The following HEATR4 variants were observed in gnomAD, a reference collection of about 807,000 sequenced individuals.
HEATR4 encodes the protein HEAT repeat containing 4, also known as HEAT repeat-containing protein 4.
Under a neutral mutation model 108.8 loss-of-function variants are expected in HEATR4, and 95 were observed. The observed-to-expected ratio is 0.87, with a 90% confidence interval of 0.74 to 1.04. The LOEUF is 1.04. Ranked by LOEUF, HEATR4 falls within the 50% of genes least tolerant of loss-of-function variation. The probability of loss-of-function intolerance (pLI) is 0.00; values close to 1 mark genes in which losing one functional copy is unlikely to be tolerated. For missense variants in HEATR4, 1,152 were observed against 1,253.8 expected (o/e 0.92, Z 1.23); for synonymous variants, 443 against 459.4 (o/e 0.96, Z 0.46).
At chr14:73,617,212 T>C in the HEATR4 span, 9 of 1,614,048 alleles carry the variant, frequency 5.6e-6, no homozygotes, top group African/African-American at 1.2e-4. Flanking sequence ...GGTGATCACC[T>C]GAGTGCAGAA....
At chr14:73,605,334 G>A in the HEATR4 span, among the ~76,000 whole-genome samples, 5 of 152,190 alleles carry the variant, frequency 3.3e-5, no homozygotes, top group South Asian at 2.1e-4. Flanking sequence ...TAACTTAACC[G>A]ACTCCACCTT....
In HEATR4 at chr14:73,550,249, G is replaced by T. The variant is rs1247985623; in HGVS notation, c.-152+8502C>A. Among the ~76,000 whole-genome samples, 2 of 113,436 alleles carry T rather than the reference G, an allele frequency of 1.8e-5. 1 individual carries two copies. The allele number at this position is 113,436 out of a possible 152,430, so 74.4% of individuals were successfully genotyped here. A position where few individuals can be genotyped will look rare whatever the true frequency, so the allele number is the denominator to read the frequency against. On this transcript the variant is annotated intron_variant, in intron 1 of 17. Coordinates refer to ENST00000553558, the MANE Select transcript of HEATR4 (RefSeq NM_001220484.1). ...AGGATAGGTAGCTAAGGGAGTGACC[G>T]TGTTCTCGGGATGCAGCGACCATGG... is the stretch of plus-strand genomic sequence containing the variant.
At chr14:73,605,064 A>C in the HEATR4 span, among the ~76,000 whole-genome samples, 1 of 152,106 alleles carries the variant, frequency 6.6e-6, no homozygotes, top group Non-Finnish European at 1.5e-5. Context: ...GAGTGGCAAG[A>C]CAAAACGGAG....
intron 2 of HEATR4, among the ~76,000 whole-genome samples, chr14:73,525,018 G>GT (rs928979401): frequency 2.6e-5 from 4 of 151,612 alleles, no homozygotes; most frequent in South Asian, 2.1e-4. Context: ...TTTTTTGTGT[G>GT]TTTTTTTTCT....
At chr14:73,578,194 G>A in the HEATR4 span, among the ~76,000 whole-genome samples, 1 of 151,498 alleles carries the variant, frequency 6.6e-6, no homozygotes, top group Non-Finnish European at 1.5e-5. Context: ...AAGCATCACA[G>A]GGGTTCAGAT....
the HEATR4 span, among the ~76,000 whole-genome samples, chr14:73,585,011 A>G: frequency 2.7e-5 from 4 of 149,296 alleles, no homozygotes; most frequent in African/African-American, 9.9e-5. Context: ...CAGACCCCCA[A>G]CACCTCATGC....
the HEATR4 span, among the ~76,000 whole-genome samples, chr14:73,618,885 C>G: frequency 3.9e-5 from 6 of 152,166 alleles, no homozygotes; most frequent in Non-Finnish European, 8.8e-5. Context: ...AATCCCAGCA[C>G]TTTGGGAGGC....
chr14:73,522,307 C>A lies in HEATR4; in HGVS notation c.846G>T (p.Lys282Asn). 2 of 1,614,004 alleles carry A rather than the reference C, an allele frequency of 1.2e-6. No homozygotes were observed. The highest frequency in any genetic ancestry group is 1.7e-6 in the Non-Finnish European group (2 of 1,180,032). The change falls in exon 3 of 18, where the codon AAG becomes AAT. Residue 282 changes from lysine to asparagine, a missense_variant. Transcript: ENST00000553558. ...DQSVILPPQE[K>N]KKPELLLPVY... ...CGGGAAGCAGCAGTTCTGGCTTCTT[C>A]TTTTCCTGTGGGGGCAGGATGACAC...
chr14:73,506,814 T>TTTTTG (rs1566830039), intron 9 of HEATR4, among the ~76,000 whole-genome samples: 1 of 132,388 alleles, frequency 7.6e-6, no homozygotes, highest in African/African-American at 3.3e-5. Flanking sequence ...GTTTTTTTTT[T>TTTTTG]TTTTTTTTTT....
intron 13 of HEATR4, 51 bp downstream of exon 13, chr14:73,499,020 T>C (rs913377701): frequency 2.3e-5 from 35 of 1,493,874 alleles, no homozygotes; most frequent in Non-Finnish European, 3.2e-5. Context: ...TCTACTTGCA[T>C]AGGCAAAGGT....
At position 73,478,809 on chromosome 14, in the gene HEATR4, G is replaced by A; in HGVS notation, c.2878C>T (p.Gln960Ter). The A allele has an allele frequency of 6.2e-7, 1 of 1,610,480 alleles. No individual in the cohort carries two copies. Among genetic ancestry groups the A allele is most frequent in the Non-Finnish European group, 8.5e-7 (1 of 1,178,272 alleles). Residue 960 changes from glutamine (Q) to a stop codon, truncating the protein, a stop_gained, in exon 18 of 18, where the codon CAA becomes TAA. Coordinates refer to ENST00000553558, the MANE Select transcript of HEATR4 (RefSeq NM_001220484.1). LOFTEE classifies it low-confidence loss of function (END_TRUNC). ...VKPRAPNPWL[Q>*]SSVPGLTTRS... Reference sequence around the variant, plus strand: ...GTGGTTAGGCCTGGGACTGAACTTTGTAACCAGGGATTTGGTGCGCGGGGC... The same window carrying A: ...GTGGTTAGGCCTGGGACTGAACTTTATAACCAGGGATTTGGTGCGCGGGGC...
chr14:73,617,241 T>C, the HEATR4 span: 1 of 1,612,918 alleles, frequency 6.2e-7, no homozygotes, highest in Non-Finnish European at 8.5e-7. Flanking sequence ...ATAGAGCTGA[T>C]GCAGGGCTGA....
the HEATR4 span, among the ~76,000 whole-genome samples, chr14:73,578,120 G>A: frequency 2.0e-5 from 3 of 151,946 alleles, no homozygotes; most frequent in East Asian, 5.8e-4. Flanking sequence ...CAAAGTGCCA[G>A]GATTATAGGC....
the HEATR4 span, among the ~76,000 whole-genome samples, chr14:73,593,339 T>TC: frequency 3.5e-4 from 24 of 68,898 alleles, no homozygotes; most frequent in East Asian, 7.7e-4. Flanking sequence ...TTTCTTTCTT[T>TC]TTTTTTTTTT....
At chr14:73,521,130 T>G in intron 3 of HEATR4, 91 bp from the exon 4 acceptor site, 1 of 1,141,850 alleles carries the variant, frequency 8.8e-7, no homozygotes, top group East Asian at 2.4e-5. Context: ...CCCTTTCCTC[T>G]TTAAGCTCAG....
rs1429144529 is a variant in HEATR4, at chr14:73,536,803, G to A, written c.-151-6559C>T. ...CCCTTCGATGTGGGAGTGATGTGGA[G>A]GATAGGCATATACAGAGAACACGAA... is the stretch of plus-strand genomic sequence containing the variant. On this transcript the variant is annotated intron_variant, in intron 1 of 17. Coordinates refer to ENST00000553558, the MANE Select transcript of HEATR4 (RefSeq NM_001220484.1). Among the ~76,000 whole-genome samples the A allele has an allele frequency of 1.7e-5, 2 of 114,582 alleles. 1 individual carries two copies. The highest frequency in any genetic ancestry group is 3.8e-5 in the Non-Finnish European group (2 of 52,816). The allele number at this position is 114,582 out of a possible 152,430, so 75.2% of individuals were successfully genotyped here.
At chr14:73,569,931 G>A in the HEATR4 span, 3,335 of 1,565,102 alleles carry the variant, frequency 2.1e-3, 44 homozygotes, top group Non-Finnish European at 2.6e-3. Context: ...CTTTCACTTT[G>A]TGTGTCTCCC....
intron 17 of HEATR4, 47 bp from the exon 18 acceptor site, chr14:73,478,889 A>T: frequency 6.8e-7 from 1 of 1,463,198 alleles, no homozygotes; most frequent in Non-Finnish European, 9.3e-7. Flanking sequence ...AACGTGTCTC[A>T]TGTGAGCGGC....
At position 73,539,004 on chromosome 14, in the gene HEATR4, C is replaced by A. The variant is rs574907000; in HGVS notation, c.-151-8760G>T. ...AAAAACAAAAAACAAACAACAACAA[C>A]AAAAAATTTTCAAGTAGTTTCAATG... On this transcript the variant is annotated intron_variant, in intron 1 of 17. Coordinates refer to ENST00000553558, the MANE Select transcript of HEATR4 (RefSeq NM_001220484.1). Among the ~76,000 whole-genome samples the A allele has an allele frequency of 5.0e-4, 58 of 115,332 alleles. 14 individuals carry two copies. The highest frequency in any genetic ancestry group is 1.5e-3 in the African/African-American group (54 of 35,560). 75.7% of individuals were successfully genotyped at this position (115,332 alleles called of 152,430 possible). A position where few individuals can be genotyped will look rare whatever the true frequency, so the allele number is the denominator to read the frequency against.
Sources: allele counts gnomAD v4.1 joint callset (sites outside exome capture counted in the v4.1 genomes callset), GRCh38; gene constraint gnomAD v4.1.1; transcripts MANE v1.5; gene names NCBI Gene and HGNC (gene_info 2026-07-23, HGNC 2026-07-21).